The following IL4I1 variants were observed in gnomAD, a reference collection of about 807,000 sequenced individuals.
IL4I1 encodes L-amino-acid oxidase.
In IL4I1, 24 loss-of-function variants were observed where a neutral mutation model predicts 29.7. The ratio of observed to expected loss-of-function variants is 0.81; its 90% CI spans 0.59 to 1.14. The LOEUF is 1.14. IL4I1 is among the 50% of genes most tolerant of loss of function. The probability of loss-of-function intolerance (pLI) is 0.00; values close to 1 mark genes in which losing one functional copy is unlikely to be tolerated. For synonymous variants in IL4I1, 371 were observed against 352.5 expected, an observed-to-expected ratio of 1.05 and a Z score of -0.59; for missense variants, 686 against 785.6, an observed-to-expected ratio of 0.87 and a Z score of 1.52.
At position 49,908,532 on chromosome 19, in the gene IL4I1, C is replaced by T. The variant is rs149033608; in HGVS notation, c.-227-4211G>A. ...TAGGTTTTCTCACGCTCCTCATCCG[C>T]GTGCTGCAGGTAGATGGTCCCGCTC... On this transcript the variant is annotated intron_variant, in intron 2 of 9. Coordinates refer to the IL4I1 transcript ENST00000341114. 6 of 1,614,076 alleles carry T rather than the reference C, an allele frequency of 3.7e-6. No homozygotes were observed. The highest frequency in any genetic ancestry group is 1.7e-5 in the Admixed American group (1 of 60,000).
At chr19:49,910,481 C>T (rs983060129) in intron 2 of IL4I1, among the ~76,000 whole-genome samples, 4 of 152,168 alleles carry the variant, frequency 2.6e-5, no homozygotes, top group Non-Finnish European at 5.9e-5. Flanking sequence ...GTCTGAAACC[C>T]ATGTGCTCAG....
intron 2 of IL4I1, among the ~76,000 whole-genome samples, chr19:49,920,855 A>G (rs936034489): frequency 1.6e-4 from 25 of 152,126 alleles, no homozygotes; most frequent in African/African-American, 5.8e-4. Context: ...AACGGCGCAC[A>G]CCTGTGCCCC....
chr19:49,894,848 G>A (rs1351703204), intron 4 of IL4I1, among the ~76,000 whole-genome samples: 4 of 151,976 alleles, frequency 2.6e-5, no homozygotes, highest in East Asian at 1.9e-4. Flanking sequence ...TTTTGCACCA[G>A]GCAGGGCCAG....
At chr19:49,929,027 G>C (rs563914335) in intron 1 of IL4I1, 1 of 152,476 alleles carries the variant, frequency 6.6e-6, no homozygotes, top group African/African-American at 2.4e-5. Flanking sequence ...CAGCTGAGAG[G>C]GAGGAGGGTC....
Position 49,890,495 on chromosome 19 carries a change from TCCCTG to T in IL4I1, c.874_878del (p.Gln292ThrfsTer77). On this transcript the variant is annotated frameshift_variant, in exon 8 of 8. Coordinates refer to ENST00000391826, the MANE Select transcript of IL4I1 (RefSeq NM_152899.2). LOFTEE classifies it low-confidence loss of function (END_TRUNC). ...CGATCTGCACGTGCACATCGTGCGGTCCCTGGGTCATCGCCACCACGGGCGCGTTC... is the reference window on the plus strand; with the variant it reads ...CGATCTGCACGTGCACATCGTGCGGTGGTCATCGCCACCACGGGCGCGTTC... The T allele has an allele frequency of 6.2e-7, 1 of 1,611,322 alleles. No individual in the cohort carries two copies. Among genetic ancestry groups the T allele is most frequent in the Non-Finnish European group, 8.5e-7 (1 of 1,179,696 alleles).
At chr19:49,909,203 G>A (rs141203662) in intron 2 of IL4I1, 9 of 1,614,006 alleles carry the variant, frequency 5.6e-6, no homozygotes, top group Admixed American at 1.7e-5. Flanking sequence ...TGGCTGTGTG[G>A]CACCTGCTGT....
chr19:49,892,025 G>T (rs988683012), intron 5 of IL4I1, among the ~76,000 whole-genome samples: 1 of 149,990 alleles, frequency 6.7e-6, no homozygotes, highest in African/African-American at 2.4e-5. Context: ...TGGAGCCACA[G>T]AATTCTTGCC....
At chr19:49,915,803 C>T (rs1243712259) in intron 2 of IL4I1, among the ~76,000 whole-genome samples, 1 of 152,174 alleles carries the variant, frequency 6.6e-6, no homozygotes, top group South Asian at 2.1e-4. Flanking sequence ...CTGGGGCAAC[C>T]CTGCCAGGAC....
rs552713847 is a variant in IL4I1 at position 49,903,583 on chromosome 19, T to C, written c.-105+616A>G. Among the ~76,000 whole-genome samples the C allele has an allele frequency of 5.2e-4, 79 of 152,246 alleles. 1 individual carries two copies. The highest frequency in any genetic ancestry group is 1.1e-3 in the Admixed American group (17 of 15,286). On this transcript the variant is annotated intron_variant, in intron 3 of 9. Coordinates refer to the IL4I1 transcript ENST00000341114. ...TTCTGTGGAGAGCCGCTGCCCTGAGTCTGAGGGGCAGATTTTTAAAGCACC... is the reference window on the plus strand; with the variant it reads ...TTCTGTGGAGAGCCGCTGCCCTGAGCCTGAGGGGCAGATTTTTAAAGCACC...
At chr19:49,909,867 G>A (rs1475868894) in intron 2 of IL4I1, 2 of 1,556,942 alleles carry the variant, frequency 1.3e-6, no homozygotes, top group Non-Finnish European at 1.8e-6. Context: ...GTCGGTGTCT[G>A]CAGCCTTGGG....
chr19:49,920,843 G>C (rs2075749509), intron 2 of IL4I1, among the ~76,000 whole-genome samples: 1 of 152,166 alleles, frequency 6.6e-6, no homozygotes, highest in Admixed American at 6.5e-5. Flanking sequence ...TGGCGGGGGA[G>C]GAACGGCGCA....
intron 2 of IL4I1, chr19:49,908,454 T>C (rs1348263000): frequency 6.2e-7 from 1 of 1,607,300 alleles, no homozygotes; most frequent in African/African-American, 1.3e-5. Context: ...ATGATGTCCT[T>C]GAGATCCTGG....
intron 2 of IL4I1, among the ~76,000 whole-genome samples, chr19:49,926,034 C>T (rs990453404): frequency 1.9e-4 from 29 of 151,732 alleles, no homozygotes; most frequent in African/African-American, 7.0e-4. Context: ...CATGGTGAAA[C>T]CCTGTATCTA....
At chr19:49,890,928 T>TTGGGG in intron 7 of IL4I1, 43 bp downstream of exon 7, 1 of 633,196 alleles carries the variant, frequency 1.6e-6, no homozygotes, top group African/African-American at 2.7e-5. Context: ...TTTCCCTGAT[T>TTGGGG]GCCCCCCGCC....
chr19:49,908,338 C>A, intron 2 of IL4I1: 1 of 1,614,146 alleles, frequency 6.2e-7, no homozygotes, highest in Non-Finnish European at 8.5e-7. Context: ...GGGCCGAGTT[C>A]TGGTCGATCC....
At position 49,894,395 on chromosome 19, in the gene IL4I1, G is replaced by A. The variant is rs1266787438; in HGVS notation, c.440C>T (p.Thr147Met). The change falls in exon 5 of 8, where the codon ACG becomes ATG. Residue 147 changes from threonine to methionine, a missense_variant. Coordinates refer to ENST00000391826, the MANE Select transcript of IL4I1 (RefSeq NM_152899.2). Reference sequence around the variant, plus strand: ...GCGCAGCTTCACTTCGTGCACCTCCGTCCACGTGTTCTTGTCGTACTGGGT... The same window carrying A: ...GCGCAGCTTCACTTCGTGCACCTCCATCCACGTGTTCTTGTCGTACTGGGT... ...KFTQYDKNTW[T>M]EVHEVKLRNY... is the part of the protein sequence containing the mutation. 1.9e-6 allele frequency: 3 copies of A among 1,614,092 alleles called. No individual in the cohort carries two copies. Among genetic ancestry groups the A allele is most frequent in the Non-Finnish European group, 2.5e-6 (3 of 1,180,048 alleles).
chr19:49,891,906 C>T (rs2075144845), intron 5 of IL4I1, among the ~76,000 whole-genome samples: 1 of 152,040 alleles, frequency 6.6e-6, no homozygotes, highest in South Asian at 2.1e-4. Context: ...TGGCCACGGA[C>T]AGAAGCTGGT....
chr19:49,925,671 C>T (rs779831411), intron 2 of IL4I1, among the ~76,000 whole-genome samples: 3 of 152,082 alleles, frequency 2.0e-5, no homozygotes, highest in East Asian at 1.9e-4. Context: ...TGAAGGCATC[C>T]GGAAGGAGCA....
At chr19:49,911,397 G>T (rs891090004) in intron 2 of IL4I1, 1 of 152,212 alleles carries the variant, frequency 6.6e-6, no homozygotes, top group Non-Finnish European at 1.5e-5. Context: ...AATAATCAAA[G>T]TCAAGACTGA....
Sources: allele counts gnomAD v4.1 joint callset (sites outside exome capture counted in the v4.1 genomes callset), GRCh38; gene constraint gnomAD v4.1.1; transcripts MANE v1.5; gene names NCBI Gene and HGNC (gene_info 2026-07-23, HGNC 2026-07-21).